The following TMEM132C variants were observed in gnomAD, a reference collection of about 807,000 sequenced individuals.
TMEM132C encodes transmembrane protein 132C, also known as protein phosphatase 1, regulatory subunit 152.
TMEM132C carries 29 observed loss-of-function variants against 61.4 expected under a neutral mutation model. The ratio of observed to expected loss-of-function variants is 0.47; its 90% confidence interval spans 0.35 to 0.64. The LOEUF is 0.64. Among genes scored for constraint, TMEM132C ranks in the 30% least tolerant of loss-of-function variants. The pLI, the probability that TMEM132C is intolerant of heterozygous loss-of-function variation, is 0.00. For missense variants in TMEM132C, 1,408 were observed against 1,476.9 expected, an observed-to-expected ratio of 0.95 and a Z score of 0.76; for synonymous variants, 656 against 633.1, an observed-to-expected ratio of 1.04 and a Z score of -0.54.
chr12:128,686,247 T>C (rs1954676007), intron 5 of TMEM132C, among the ~76,000 whole-genome samples: 1 of 152,214 alleles, frequency 6.6e-6, no homozygotes, highest in South Asian at 2.1e-4. Flanking sequence ...CCCAGATACC[T>C]GAGCACCTTT....
chr12:128,563,010 C>T (rs1874577017), intron 3 of TMEM132C, among the ~76,000 whole-genome samples: 1 of 152,200 alleles, frequency 6.6e-6, no homozygotes, highest in Admixed American at 6.5e-5. Context: ...AAGCCAGGAG[C>T]CTGCTGCCTT....
At chr12:128,692,997 A>G (rs1954730957) in intron 5 of TMEM132C, among the ~76,000 whole-genome samples, 2 of 152,182 alleles carry the variant, frequency 1.3e-5, no homozygotes, top group African/African-American at 4.8e-5. Flanking sequence ...CCATTCACAT[A>G]ACGAACACGT....
At chr12:128,383,957 G>A (rs954208615) in intron 1 of TMEM132C, among the ~76,000 whole-genome samples, 1 of 152,186 alleles carries the variant, frequency 6.6e-6, no homozygotes, top group Non-Finnish European at 1.5e-5. Flanking sequence ...CTGGCCTACT[G>A]TGGCCCTATG....
intron 4 of TMEM132C, among the ~76,000 whole-genome samples, chr12:128,658,448 C>G (rs1256157407): frequency 6.6e-6 from 1 of 152,228 alleles, no homozygotes; most frequent in East Asian, 1.9e-4. Context: ...CCAGCGTCCT[C>G]CTAACCTGCT....
intron 3 of TMEM132C, among the ~76,000 whole-genome samples, chr12:128,595,099 G>T (rs560276887): frequency 2.6e-5 from 4 of 152,132 alleles, no homozygotes; most frequent in African/African-American, 9.7e-5. Context: ...ACTGCTCTCC[G>T]GAGAACAGTG....
chr12:128,357,241 C>T (rs1006158277), intron 1 of TMEM132C, among the ~76,000 whole-genome samples: 10 of 152,138 alleles, frequency 6.6e-5, no homozygotes, highest in East Asian at 1.9e-4. Context: ...GCTGTCATCC[C>T]GTCCTATCCC....
At chr12:128,374,935 A>T (rs1487211627) in intron 1 of TMEM132C, among the ~76,000 whole-genome samples, 2 of 147,480 alleles carry the variant, frequency 1.4e-5, no homozygotes, top group Admixed American at 1.4e-4. Context: ...AAAAAAAAAA[A>T]AAATGCTGCA....
intron 2 of TMEM132C, among the ~76,000 whole-genome samples, chr12:128,492,303 A>G (rs149841099): frequency 0.032 from 4,893 of 152,318 alleles, 96 homozygotes; most frequent in African/African-American, 0.038. Flanking sequence ...TAGTGCCACA[A>G]TAAACATACA....
At chr12:128,314,166 T>C (rs1045849385) in intron 1 of TMEM132C, among the ~76,000 whole-genome samples, 9 of 152,302 alleles carry the variant, frequency 5.9e-5, no homozygotes, top group South Asian at 2.1e-4. Flanking sequence ...AGTGGAGAAA[T>C]CTGTTACTTC....
At chr12:128,464,449 A>G (rs186537512) in intron 2 of TMEM132C, among the ~76,000 whole-genome samples, 28 of 152,252 alleles carry the variant, frequency 1.8e-4, no homozygotes, top group African/African-American at 6.3e-4. Context: ...GTCTCCTTTT[A>G]GGGCATTTGA....
intron 3 of TMEM132C, among the ~76,000 whole-genome samples, chr12:128,579,152 G>A (rs977104444): frequency 5.3e-5 from 8 of 152,102 alleles, no homozygotes; most frequent in Admixed American, 3.9e-4. Flanking sequence ...GCCTGGGGGC[G>A]AGCACCTGAA....
intron 8 of TMEM132C, among the ~76,000 whole-genome samples, chr12:128,698,921 C>T (rs1422341798): frequency 2.0e-5 from 3 of 152,068 alleles, no homozygotes; most frequent in Admixed American, 2.0e-4. Context: ...AGCAGGAACA[C>T]GATAGTGCTA....
chr12:128,289,534 A>G (rs1478095431), intron 1 of TMEM132C, among the ~76,000 whole-genome samples: 1 of 152,220 alleles, frequency 6.6e-6, no homozygotes, highest in African/African-American at 2.4e-5. Flanking sequence ...GTGCAGCTGA[A>G]AACACATGCA....
At chr12:128,547,941 A>C (rs1306762107) in intron 3 of TMEM132C, among the ~76,000 whole-genome samples, 1 of 152,210 alleles carries the variant, frequency 6.6e-6, no homozygotes, top group African/African-American at 2.4e-5. Context: ...GCTTCAGAGC[A>C]TGCCCCCTGG....
intron 2 of TMEM132C, among the ~76,000 whole-genome samples, chr12:128,465,392 G>A (rs958334707): frequency 1.9e-4 from 29 of 151,966 alleles, no homozygotes; most frequent in Non-Finnish European, 2.9e-5. Context: ...TAGAGACGGG[G>A]TTTTTGCCAT....
intron 4 of TMEM132C, among the ~76,000 whole-genome samples, chr12:128,635,027 G>GGT (rs1300575587): frequency 1.3e-5 from 2 of 152,166 alleles, no homozygotes; most frequent in Non-Finnish European, 2.9e-5. Flanking sequence ...ATGCTGGGCT[G>GGT]GTGTGTGTGC....
chr12:128,628,158 T>C (rs913170637), intron 4 of TMEM132C, among the ~76,000 whole-genome samples: 11 of 152,190 alleles, frequency 7.2e-5, no homozygotes, highest in Non-Finnish European at 1.5e-4. Context: ...GGATGTATCA[T>C]CTGCCTCTGG....
intron 2 of TMEM132C, among the ~76,000 whole-genome samples, chr12:128,540,263 G>C (rs1350622409): frequency 6.6e-6 from 1 of 151,924 alleles, no homozygotes; most frequent in East Asian, 1.9e-4. Flanking sequence ...TTTTGGTTTT[G>C]TTTTGTTTTG....
At chr12:128,362,291 G>A (rs1873730004) in intron 1 of TMEM132C, among the ~76,000 whole-genome samples, 1 of 152,048 alleles carries the variant, frequency 6.6e-6, no homozygotes, top group African/African-American at 2.4e-5. Context: ...GCTGCAGGGG[G>A]ACGGGTGCCT....
Sources: allele counts gnomAD v4.1 joint callset (sites outside exome capture counted in the v4.1 genomes callset), GRCh38; gene constraint gnomAD v4.1.1; transcripts MANE v1.5; gene names NCBI Gene and HGNC (gene_info 2026-07-23, HGNC 2026-07-21).